LNPEP: variants seen among roughly 807,000 people sequenced by gnomAD.
LNPEP encodes leucyl and cystinyl aminopeptidase.
In LNPEP, 64 loss-of-function variants were observed where a neutral mutation model predicts 120.6. That is an observed-to-expected ratio of 0.53 (90% confidence interval 0.43 to 0.65). The LOEUF is 0.65. Ranked by LOEUF, LNPEP falls within the 30% of genes least tolerant of loss-of-function variation. The pLI is 0.00. For synonymous variants in LNPEP, 435 were observed against 425.4 expected, an observed-to-expected ratio of 1.02 and a Z score of -0.28; for missense variants, 1,057 against 1,200.0, an observed-to-expected ratio of 0.88 and a Z score of 1.76.
chr5:96,947,769 A>G (rs1789221795), intron 1 of LNPEP, among the ~76,000 whole-genome samples: 1 of 152,222 alleles, frequency 6.6e-6, no homozygotes, highest in African/African-American at 2.4e-5. Context: ...TAGCAACCAG[A>G]AAACTAAATA....
At chr5:96,951,314 AG>A (rs1561428508) in intron 1 of LNPEP, among the ~76,000 whole-genome samples, 1 of 151,814 alleles carries the variant, frequency 6.6e-6, no homozygotes. Context: ...GCTGGAGTGC[AG>A]TGGCGCGATC....
chr5:96,956,400 C>T (rs746418786), intron 1 of LNPEP, among the ~76,000 whole-genome samples: 14 of 152,138 alleles, frequency 9.2e-5, no homozygotes, highest in Non-Finnish European at 2.1e-4. Context: ...CGCCTGTAGT[C>T]GCACCAACTC....
Position 96,993,855 on chromosome 5 carries a change from G to A in LNPEP, c.1291G>A (p.Glu431Lys), listed in dbSNP as rs993551228. Residue 431 changes from glutamate to lysine, a missense_variant, in exon 6 of 18, where the codon GAA (glutamate) becomes AAA (lysine). Physicochemically the swap from Glu to Lys is moderately conservative, Grantham distance 56. Transcript: ENST00000231368. Reference protein sequence around the residue: ...AIPDFEAGAMENWGLLTFREE... With the variant: ...AIPDFEAGAMKNWGLLTFREE... ...TCCTGACTTTGAAGCAGGAGCAATG[G>A]AAAATTGGGGTTTGCTCACCTTCCG... is the stretch of plus-strand genomic sequence containing the variant. The A allele has an allele frequency of 6.2e-7, 1 of 1,613,738 alleles. No homozygotes were observed. The highest frequency in any genetic ancestry group is 1.3e-5 in the African/African-American group (1 of 74,902).
At chr5:96,969,355 A>G (rs1156365855) in intron 1 of LNPEP, among the ~76,000 whole-genome samples, 1 of 151,908 alleles carries the variant, frequency 6.6e-6, no homozygotes, top group African/African-American at 2.4e-5. Context: ...AAATTTCCCT[A>G]GCTTTTTACT....
chr5:96,977,638 G>A (rs1219355586), intron 1 of LNPEP, among the ~76,000 whole-genome samples: 1 of 152,114 alleles, frequency 6.6e-6, no homozygotes, highest in Non-Finnish European at 1.5e-5. Flanking sequence ...ACACTGAACA[G>A]CAAAACTGCA....
intron 9 of LNPEP, among the ~76,000 whole-genome samples, chr5:97,005,828 C>T (rs1790765870): frequency 6.6e-6 from 1 of 152,094 alleles, no homozygotes; most frequent in Non-Finnish European, 1.5e-5. Context: ...CCTAGTGCCT[C>T]CCTCACTCCC....
intron 11 of LNPEP, among the ~76,000 whole-genome samples, chr5:97,008,859 T>A (rs1582024644): frequency 6.6e-6 from 1 of 151,354 alleles, no homozygotes; most frequent in Non-Finnish European, 1.5e-5. Flanking sequence ...AGAGACGGGG[T>A]TTCACCATGG....
At chr5:97,021,923 G>GTTTTT (rs1165456605) in intron 13 of LNPEP, among the ~76,000 whole-genome samples, 2 of 57,168 alleles carry the variant, frequency 3.5e-5, no homozygotes, top group African/African-American at 7.7e-5. Flanking sequence ...TTTGTCTTTT[G>GTTTTT]TTTTTTTTTT....
At position 96,954,771 on chromosome 5, in the gene LNPEP, TA is replaced by T. The variant is rs1285576691; in HGVS notation, c.19+18598del. Among the ~76,000 whole-genome samples the T allele has an allele frequency of 2.5e-3, 102 of 41,040 alleles. 16 individuals are homozygous for T. The highest frequency in any genetic ancestry group is 3.0e-3 in the Non-Finnish European group (61 of 20,084). The allele number at this position is 41,040 out of a possible 152,430, so 26.9% of individuals were successfully genotyped here. ...ACACATATATATATATATATATATA[TA>T]TTTTTTTTTTTTTTTTTTTTTTTTT... On this transcript the variant is annotated intron_variant, in intron 1 of 17. Coordinates refer to ENST00000231368, the MANE Select transcript of LNPEP (RefSeq NM_005575.3).
At chr5:96,951,145 A>G (rs1451131468) in intron 1 of LNPEP, among the ~76,000 whole-genome samples, 1 of 152,072 alleles carries the variant, frequency 6.6e-6, no homozygotes, top group African/African-American at 2.4e-5. Flanking sequence ...TATCAAGGAC[A>G]CCAATCCTAT....
intron 4 of LNPEP, among the ~76,000 whole-genome samples, chr5:96,988,129 C>G (rs1453239860): frequency 6.6e-6 from 1 of 151,740 alleles, no homozygotes; most frequent in Non-Finnish European, 1.5e-5. Flanking sequence ...TTCCCCCCTT[C>G]TTTTCTTCCT....
At chr5:96,992,250 CAGTGGG>C (rs777504957) in intron 4 of LNPEP, among the ~76,000 whole-genome samples, 8 of 152,102 alleles carry the variant, frequency 5.3e-5, no homozygotes, top group Non-Finnish European at 8.8e-5. Flanking sequence ...AGTGAATGGG[CAGTGGG>C]AGACATGAAC....
In LNPEP at chr5:96,979,825, A is replaced by G. The variant is rs747335221; in HGVS notation, c.707A>G (p.Glu236Gly). Residue 236 changes from glutamate to glycine, a missense_variant, in exon 2 of 18, where the codon GAA becomes GGA. Coordinates refer to ENST00000231368, the MANE Select transcript of LNPEP (RefSeq NM_005575.3). ...CAAGAAAAACAAGCTGAGATCCTGG[A>G]ATATGCATATCATGGACAGATCGCC... ...SSQEKQAEIL[E>G]YAYHGQIAIV... 1.2e-6 allele frequency: 2 copies of G among 1,613,946 alleles called. No homozygotes were observed. The highest frequency in any genetic ancestry group is 2.7e-5 in the African/African-American group (2 of 74,922).
chr5:96,990,212 G>A (rs1447198524), intron 4 of LNPEP, among the ~76,000 whole-genome samples: 4 of 152,096 alleles, frequency 2.6e-5, no homozygotes, highest in African/African-American at 7.2e-5. Context: ...GCACGTGCGT[G>A]TGTGTGTGTA....
In LNPEP at chr5:97,032,191, C is replaced by T. The variant is rs1791483194; in HGVS notation, c.*3658C>T. On this transcript the variant is annotated 3_prime_UTR_variant, in exon 18 of 18. Transcript: ENST00000231368. ...GACATAGCTTTTCTTCTCACCTATG[C>T]CTTTGTTACTTTTGTATTTATTGGA... 1 of 152,128 alleles carries T rather than the reference C, an allele frequency of 6.6e-6. No individual in the cohort carries two copies. The highest frequency in any genetic ancestry group is 2.4e-5 in the African/African-American group (1 of 41,428). 9.4% of individuals were successfully genotyped at this position (152,128 alleles called of 1,614,324 possible). A position where few individuals can be genotyped will look rare whatever the true frequency, so the allele number is the denominator to read the frequency against.
Position 97,034,786 on chromosome 5 carries a change from G to A in LNPEP, c.*6253G>A, listed in dbSNP as rs921322269. 2 of 151,966 alleles carry A rather than the reference G, an allele frequency of 1.3e-5. No homozygotes were observed. Among genetic ancestry groups the A allele is most frequent in the African/African-American group, 2.4e-5 (1 of 41,364 alleles). 9.4% of individuals were successfully genotyped at this position (151,966 alleles called of 1,614,324 possible). A position where few individuals can be genotyped will look rare whatever the true frequency, so the allele number is the denominator to read the frequency against. ...AACTTCATTTTGAATCTGGTCCTTT[G>A]TATGACCACTTAGGTACTTAATAGT... On this transcript the variant is annotated 3_prime_UTR_variant, in exon 18 of 18. Transcript: ENST00000231368.
At chr5:96,992,225 T>C (rs1790406194) in intron 4 of LNPEP, among the ~76,000 whole-genome samples, 1 of 152,160 alleles carries the variant, frequency 6.6e-6, no homozygotes, top group Admixed American at 6.6e-5. Context: ...CCTTGTCTCT[T>C]AGTATGTACC....
chr5:96,947,493 G>T lies in LNPEP; in HGVS notation c.19+11319G>T, dbSNP rs183006548. Among the ~76,000 whole-genome samples, 759 of 152,218 alleles carry T rather than the reference G, an allele frequency of 5.0e-3. 8 individuals carry two copies. Among genetic ancestry groups the T allele is most frequent in the Non-Finnish European group, 5.8e-3 (393 of 68,002 alleles). ...TAATACAAGGATAAAGCAACCAAAT[G>T]CTCTCAGTATTTATTCCCGTGCTAT... is the stretch of plus-strand genomic sequence containing the variant. On this transcript the variant is annotated intron_variant, in intron 1 of 17. Coordinates refer to ENST00000231368, the MANE Select transcript of LNPEP (RefSeq NM_005575.3).
chr5:96,994,053 T>C, intron 6 of LNPEP, 82 bp downstream of exon 6: 8 of 1,130,740 alleles, frequency 7.1e-6, no homozygotes, highest in Non-Finnish European at 1.0e-5. Context: ...TAGATGCTAA[T>C]AATTCTTTTT....
Sources: allele counts gnomAD v4.1 joint callset (sites outside exome capture counted in the v4.1 genomes callset), GRCh38; gene constraint gnomAD v4.1.1; transcripts MANE v1.5; gene names NCBI Gene and HGNC (gene_info 2026-07-23, HGNC 2026-07-21).